Variants in DPYSL2 observed in about 807,000 individuals in gnomAD.
DPYSL2 encodes dihydropyrimidinase-related protein 2.
Under a neutral mutation model 69.9 loss-of-function variants are expected in DPYSL2, and 13 were observed. The ratio of observed to expected loss-of-function variants is 0.19; its 90% CI spans 0.12 to 0.30. DPYSL2 has a LOEUF of 0.30. Ranked by LOEUF, DPYSL2 falls within the 10% of genes least tolerant of loss-of-function variation. DPYSL2 has a pLI of 1.00. For synonymous variants in DPYSL2, 326 were observed against 359.1 expected (o/e 0.91, Z 1.04); for missense variants, 587 against 918.9 (o/e 0.64, Z 4.67).
Position 26,609,268 on chromosome 8 carries a change from A to G in DPYSL2, c.629-14875A>G, listed in dbSNP as rs1802176189. On this transcript the variant is annotated intron_variant, in intron 3 of 13. Transcript: ENST00000521913. The surrounding 1 kb of genome is among the most constrained non-coding windows in gnomAD (Gnocchi z 6.5). Reference sequence around the variant, plus strand: ...GGGTTTGTGTGTAGAACTCAGTAAGAAGTAATCATGACCCTGTCCGTTCAT... The same window carrying G: ...GGGTTTGTGTGTAGAACTCAGTAAGGAGTAATCATGACCCTGTCCGTTCAT... Among the ~76,000 whole-genome samples the G allele has an allele frequency of 6.6e-6, 1 of 150,814 alleles. No homozygotes were observed. Among genetic ancestry groups the G allele is most frequent in the Non-Finnish European group, 1.5e-5 (1 of 67,586 alleles).
intron 1 of DPYSL2, among the ~76,000 whole-genome samples, chr8:26,556,017 TA>T (rs1169339627): frequency 1.2e-4 from 12 of 100,548 alleles, no homozygotes; most frequent in African/African-American, 2.9e-4. Flanking sequence ...ATTATATATA[TA>T]AATATATATA....
At chr8:26,563,605 CCCTTCCTAGA>C (rs1801106735) in intron 1 of DPYSL2, among the ~76,000 whole-genome samples, 2 of 152,168 alleles carry the variant, frequency 1.3e-5, no homozygotes, top group South Asian at 4.1e-4. Flanking sequence ...ATGTCAGCTC[CCCTTCCTAGA>C]CCTTCCTAGA....
rs1384916044 is a variant in DPYSL2 at position 26,556,328 on chromosome 8, G to GTA, written c.355-25632_355-25631dup. Among the ~76,000 whole-genome samples the GTA allele has an allele frequency of 2.1e-3, 37 of 17,680 alleles. 3 individuals carry two copies. Among genetic ancestry groups the GTA allele is most frequent in the Non-Finnish European group, 4.4e-3 (30 of 6,866 alleles). 11.6% of individuals were successfully genotyped at this position (17,680 alleles called of 152,430 possible). On this transcript the variant is annotated intron_variant, in intron 1 of 13. Transcript: ENST00000521913. The stretch of plus-strand genomic sequence containing the variant: ...ATAGTATATATATACTATATATATA[G>GTA]TATATATATAGTATATATATATAGT...
chr8:26,567,989 C>T (rs369328149), intron 1 of DPYSL2, among the ~76,000 whole-genome samples: 53 of 152,352 alleles, frequency 3.5e-4, no homozygotes, highest in African/African-American at 1.1e-3. Flanking sequence ...TGCAGGCACT[C>T]ATTCCTCCAC....
intron 3 of DPYSL2, among the ~76,000 whole-genome samples, chr8:26,613,253 C>T (rs943749704): frequency 6.6e-6 from 1 of 152,190 alleles, no homozygotes; most frequent in South Asian, 2.1e-4. Context: ...GGAATCTGGG[C>T]CTTCTCTCTG....
chr8:26,515,128 C>G (rs901338060), intron 1 of DPYSL2, among the ~76,000 whole-genome samples: 1 of 152,058 alleles, frequency 6.6e-6, no homozygotes, highest in South Asian at 2.1e-4. Context: ...TCGGGAGGGG[C>G]GGGGGTTCGG....
At position 26,564,689 on chromosome 8, in the gene DPYSL2, C is replaced by T. The variant is rs1389367129; in HGVS notation, c.355-17280C>T. On this transcript the variant is annotated intron_variant, in intron 1 of 13. Coordinates refer to ENST00000521913, the MANE Select transcript of DPYSL2 (RefSeq NM_001197293.3). The surrounding 1 kb of genome is among the most constrained non-coding windows in gnomAD (Gnocchi z 4.8). ...CTGCTGAGAGGTGTGAGAGGGTGGC[C>T]AGATCAAGGACCAGTGGGAAGTCTT... is the stretch of plus-strand genomic sequence containing the variant. Among the ~76,000 whole-genome samples the T allele has an allele frequency of 2.0e-5, 3 of 152,056 alleles. No individual in the cohort carries two copies. The highest frequency in any genetic ancestry group is 4.4e-5 in the Non-Finnish European group (3 of 68,014).
rs886303216 is a variant in DPYSL2 at position 26,591,709 on chromosome 8, G to A, written c.628+7726G>A. ...AGAACTGCTCTGGTTGGAATGGTGG[G>A]TGGCAGGTGGGCTGTGGGGGAGTCC... On this transcript the variant is annotated intron_variant, in intron 3 of 13. Transcript: ENST00000521913. The surrounding 1 kb of genome is among the most constrained non-coding windows in gnomAD (Gnocchi z 5.8). 6.6e-6 allele frequency among the ~76,000 whole-genome samples: 1 copy of A among 152,218 alleles called. No homozygotes were observed. The highest frequency in any genetic ancestry group is 1.5e-5 in the Non-Finnish European group (1 of 68,038).
intron 1 of DPYSL2, among the ~76,000 whole-genome samples, chr8:26,543,623 G>A (rs1168799428): frequency 6.6e-6 from 1 of 152,104 alleles, no homozygotes; most frequent in African/African-American, 2.4e-5. Flanking sequence ...AAGTAGCTGG[G>A]ATTACAGGCA....
At position 26,619,162 on chromosome 8, in the gene DPYSL2, G is replaced by A. The variant is rs893195587; in HGVS notation, c.629-4981G>A. Among the ~76,000 whole-genome samples the A allele has an allele frequency of 2.0e-5, 3 of 152,266 alleles. No individual in the cohort carries two copies. The highest frequency in any genetic ancestry group is 3.4e-3 in the Middle Eastern group (1 of 294). On this transcript the variant is annotated intron_variant, in intron 3 of 13. Coordinates refer to ENST00000521913, the MANE Select transcript of DPYSL2 (RefSeq NM_001197293.3). The surrounding 1 kb of genome is among the most constrained non-coding windows in gnomAD (Gnocchi z 4.8). Reference sequence around the variant, plus strand: ...GGAGGTCACCAGAGGAAAGGCCTGTGAGCTCTGTGCAAGTCATTTTCAGGC... The same window carrying A: ...GGAGGTCACCAGAGGAAAGGCCTGTAAGCTCTGTGCAAGTCATTTTCAGGC...
At position 26,617,161 on chromosome 8, in the gene DPYSL2, G is replaced by A. The variant is rs756753519; in HGVS notation, c.629-6982G>A. Among the ~76,000 whole-genome samples the A allele has an allele frequency of 2.0e-5, 3 of 152,170 alleles. No homozygotes were observed. The highest frequency in any genetic ancestry group is 2.9e-5 in the Non-Finnish European group (2 of 68,028). ...TCTCTATCAGTGTCGCTCCCTGGCT[G>A]TAATATTGTACTATAATTAGGCAAG... On this transcript the variant is annotated intron_variant, in intron 3 of 13. Coordinates refer to ENST00000521913, the MANE Select transcript of DPYSL2 (RefSeq NM_001197293.3). This position sits in a 1 kb window ranked among gnomAD's most constrained non-coding sequence, Gnocchi z 4.7.
At chr8:26,548,106 A>C in intron 1 of DPYSL2, 1 of 223,222 alleles carries the variant, frequency 4.5e-6, no homozygotes, top group Non-Finnish European at 9.3e-6. Context: ...TTATTTTGGG[A>C]TATCACTCCG....
At position 26,626,738 on chromosome 8, in the gene DPYSL2, C is replaced by A; in HGVS notation, c.855+60C>A. The stretch of plus-strand genomic sequence containing the variant: ...ACATTTGGTACCTTCAGGCTGTGGC[C>A]GTTTGGGAAAGCAGTCTCCGATGTA... On this transcript the variant is annotated intron_variant, in intron 5 of 13. Transcript: ENST00000521913. This position sits in a 1 kb window ranked among gnomAD's most constrained non-coding sequence, Gnocchi z 4.3. 6.4e-7 allele frequency: 1 copy of A among 1,567,108 alleles called. No individual in the cohort carries two copies. Among genetic ancestry groups the A allele is most frequent in the Non-Finnish European group, 8.8e-7 (1 of 1,140,524 alleles).
At chr8:26,539,736 C>T (rs924062829) in intron 1 of DPYSL2, among the ~76,000 whole-genome samples, 2 of 152,080 alleles carry the variant, frequency 1.3e-5, no homozygotes, top group African/African-American at 2.4e-5. Flanking sequence ...GACAGAGCTC[C>T]ATGGAAACTA....
intron 3 of DPYSL2, among the ~76,000 whole-genome samples, chr8:26,596,412 C>T (rs769406526): frequency 6.6e-6 from 1 of 152,234 alleles, no homozygotes; most frequent in Non-Finnish European, 1.5e-5. Flanking sequence ...CTAAAGGACA[C>T]AAGGACACGT....
chr8:26,623,965 G>A (rs1266990158), intron 3 of DPYSL2, 178 bp from the exon 4 acceptor site: 20 of 649,970 alleles, frequency 3.1e-5, no homozygotes. Flanking sequence ...TCTGCTTTCT[G>A]CTTTCTCCCT....
In DPYSL2 at chr8:26,614,427, T is replaced by A. The variant is rs569499876; in HGVS notation, c.629-9716T>A. Among the ~76,000 whole-genome samples the A allele has an allele frequency of 2.4e-4, 37 of 152,172 alleles. No individual in the cohort carries two copies. Among genetic ancestry groups the A allele is most frequent in the African/African-American group, 8.2e-4 (34 of 41,496 alleles). Reference sequence around the variant, plus strand: ...GTGGGGACAGGCGGTAGCTGGAGGGTCCTTCAGGATCATTTTATCCGTATC... The same window carrying A: ...GTGGGGACAGGCGGTAGCTGGAGGGACCTTCAGGATCATTTTATCCGTATC... On this transcript the variant is annotated intron_variant, in intron 3 of 13. Transcript: ENST00000521913. The surrounding 1 kb of genome is among the most constrained non-coding windows in gnomAD (Gnocchi z 4.9).
chr8:26,515,727 T>A (rs1424222896), intron 1 of DPYSL2, among the ~76,000 whole-genome samples: 2 of 152,372 alleles, frequency 1.3e-5, no homozygotes, highest in Non-Finnish European at 2.9e-5. Context: ...ATGCAAAATG[T>A]TTTAACACGT....
Position 26,619,356 on chromosome 8 carries a change from G to A in DPYSL2, c.629-4787G>A, listed in dbSNP as rs931733936. 3.3e-5 allele frequency among the ~76,000 whole-genome samples: 5 copies of A among 152,312 alleles called. No homozygotes were observed. Among genetic ancestry groups the A allele is most frequent in the East Asian group, 1.9e-4 (1 of 5,186 alleles). The stretch of plus-strand genomic sequence containing the variant: ...TGAGTGTTATGAGCTCTTGAAGGAA[G>A]CATGTTTATTTCCCCAAAGTGCTCA... On this transcript the variant is annotated intron_variant, in intron 3 of 13. Transcript: ENST00000521913. The surrounding 1 kb of genome is among the most constrained non-coding windows in gnomAD (Gnocchi z 4.8).
Sources: allele counts gnomAD v4.1 joint callset (sites outside exome capture counted in the v4.1 genomes callset), GRCh38; gene constraint gnomAD v4.1.1; non-coding constraint Gnocchi (gnomAD v3.1); transcripts MANE v1.5; gene names NCBI Gene and HGNC (gene_info 2026-07-23, HGNC 2026-07-21).